Variants in MNAT1 observed in about 807,000 individuals in gnomAD.
MNAT1 encodes MNAT1 component of CDK activating kinase.
In MNAT1, 43 loss-of-function variants were observed where a neutral mutation model predicts 42.0. The observed-to-expected ratio is 1.02, with a 90% confidence interval of 0.80 to 1.32. The LOEUF is 1.32. MNAT1 is among the 40% of genes most tolerant of loss of function. The probability of loss-of-function intolerance (pLI) is 0.00; values close to 1 mark genes in which losing one functional copy is unlikely to be tolerated. For missense variants in MNAT1, 306 were observed against 350.4 expected (o/e 0.87, Z 1.01); for synonymous variants, 118 against 120.0 (o/e 0.98, Z 0.11).
intron 6 of MNAT1, among the ~76,000 whole-genome samples, chr14:60,824,117 A>G (rs1218157083): frequency 2.0e-5 from 3 of 152,206 alleles, no homozygotes; most frequent in African/African-American, 7.2e-5. Flanking sequence ...AGCTCAAGCC[A>G]CAGCACTCCA....
chr14:60,942,817 A>C (rs1163021987), intron 7 of MNAT1, among the ~76,000 whole-genome samples: 1 of 152,096 alleles, frequency 6.6e-6, no homozygotes, highest in Non-Finnish European at 1.5e-5. Flanking sequence ...AAGCTACTGA[A>C]ATTTTGGGAT....
chr14:60,881,815 G>A (rs8019589), intron 7 of MNAT1, among the ~76,000 whole-genome samples: 143,263 of 152,114 alleles, frequency 0.94, 67,781 homozygotes, highest in Non-Finnish European at 0.99. Flanking sequence ...AGTTATTTTC[G>A]AATGTACAAT....
intron 6 of MNAT1, among the ~76,000 whole-genome samples, chr14:60,826,774 T>G (rs545953654): frequency 6.6e-6 from 1 of 152,348 alleles, no homozygotes; most frequent in East Asian, 1.9e-4. Context: ...CTTCTATTTC[T>G]TTATCATTTT....
intron 7 of MNAT1, among the ~76,000 whole-genome samples, chr14:60,964,937 TAAA>T (rs1223337579): frequency 1.3e-5 from 2 of 152,208 alleles, no homozygotes; most frequent in Non-Finnish European, 2.9e-5. Flanking sequence ...TTAAGATACT[TAAA>T]AAATAAAAGC....
At chr14:60,821,790 C>A (rs2032896892) in intron 6 of MNAT1, among the ~76,000 whole-genome samples, 1 of 152,096 alleles carries the variant, frequency 6.6e-6, no homozygotes, top group South Asian at 2.1e-4. Context: ...TGTTCTGTGG[C>A]ATAACTTTAT....
At chr14:60,784,621 C>T (rs890244339) in intron 1 of MNAT1, among the ~76,000 whole-genome samples, 5 of 151,364 alleles carry the variant, frequency 3.3e-5, no homozygotes, top group Middle Eastern at 3.5e-3. Context: ...TACAGTTGCC[C>T]GCCACTGTGC....
At chr14:60,927,668 G>A (rs113052321) in intron 7 of MNAT1, among the ~76,000 whole-genome samples, 3 of 152,238 alleles carry the variant, frequency 2.0e-5, no homozygotes, top group South Asian at 2.1e-4. Flanking sequence ...TTTGAACCAC[G>A]TATTCTTCCC....
intron 6 of MNAT1, among the ~76,000 whole-genome samples, chr14:60,849,014 A>G (rs986436662): frequency 6.6e-6 from 1 of 152,192 alleles, no homozygotes; most frequent in Non-Finnish European, 1.5e-5. Flanking sequence ...TAGAAGTGTT[A>G]CTGTGAGCAA....
chr14:60,840,401 C>A (rs913105794), intron 6 of MNAT1, among the ~76,000 whole-genome samples: 2 of 152,170 alleles, frequency 1.3e-5, no homozygotes, highest in Non-Finnish European at 2.9e-5. Flanking sequence ...GGTAAGTTGA[C>A]TGGGGAGTTC....
At position 60,968,784 on chromosome 14, in the gene MNAT1, C is replaced by T. The variant is rs2036729820; in HGVS notation, c.*435C>T. The T allele has an allele frequency of 3.7e-6, 1 of 273,000 alleles. No individual in the cohort carries two copies. The highest frequency in any genetic ancestry group is 7.0e-6 in the Non-Finnish European group (1 of 142,142). 16.9% of individuals were successfully genotyped at this position (273,000 alleles called of 1,614,324 possible). A position where few individuals can be genotyped will look rare whatever the true frequency, so the allele number is the denominator to read the frequency against. ...AATATCCAAGTCTATTATTTCTTCT[C>T]ATAAAATGTTCCCCTTTTTCCTAAT... On this transcript the variant is annotated 3_prime_UTR_variant, in exon 8 of 8. Coordinates refer to ENST00000261245, the MANE Select transcript of MNAT1 (RefSeq NM_002431.4).
Position 60,826,993 on chromosome 14 carries a change from T to C in MNAT1, c.687+8146T>C, listed in dbSNP as rs543390325. Among the ~76,000 whole-genome samples, 6 of 152,256 alleles carry C rather than the reference T, an allele frequency of 3.9e-5. No individual in the cohort carries two copies. In the South Asian group the frequency reaches 1.2e-3, roughly 32 times the overall value. On this transcript the variant is annotated intron_variant, in intron 6 of 7. Transcript: ENST00000261245. ...ACATTGGTCATCTCATAAATTAGGA[T>C]TGAGATTCTACGGCTGAGGATCTGG...
At chr14:60,765,008 TGGGAGGCTGA>T (rs2030756521) in intron 1 of MNAT1, among the ~76,000 whole-genome samples, 1 of 152,158 alleles carries the variant, frequency 6.6e-6, no homozygotes, top group Non-Finnish European at 1.5e-5. Flanking sequence ...CCCAGCACTT[TGGGAGGCTGA>T]GGCGGGTGGA....
At chr14:60,901,891 A>G (rs369536088) in intron 7 of MNAT1, among the ~76,000 whole-genome samples, 1 of 152,206 alleles carries the variant, frequency 6.6e-6, no homozygotes, top group Non-Finnish European at 1.5e-5. Context: ...TGAAATGACA[A>G]CAAAAGATTT....
At chr14:60,796,534 G>C (rs2032024750) in intron 2 of MNAT1, among the ~76,000 whole-genome samples, 165 bp downstream of exon 2, 2 of 152,132 alleles carry the variant, frequency 1.3e-5, no homozygotes, top group Non-Finnish European at 2.9e-5. Context: ...CTTTGTTAAA[G>C]AAGAGCCTCT....
chr14:60,838,759 G>A (rs1252630433), intron 6 of MNAT1, among the ~76,000 whole-genome samples: 1 of 152,102 alleles, frequency 6.6e-6, no homozygotes, highest in Non-Finnish European at 1.5e-5. Flanking sequence ...CACTCTCGGG[G>A]GTCTGGGAAG....
chr14:60,836,924 A>G (rs1413851371), intron 6 of MNAT1, among the ~76,000 whole-genome samples: 1 of 152,158 alleles, frequency 6.6e-6, no homozygotes, highest in East Asian at 1.9e-4. Flanking sequence ...CCTTTCTTTC[A>G]GAGATACCCT....
chr14:60,932,217 G>A (rs552644767), intron 7 of MNAT1, among the ~76,000 whole-genome samples: 15 of 151,612 alleles, frequency 9.9e-5, no homozygotes, highest in African/African-American at 3.1e-4. Flanking sequence ...TTTTTAATTC[G>A]CTCATATTTC....
rs924715008 is a variant in MNAT1, at chr14:60,934,545, T to G, written c.810-33684T>G. On this transcript the variant is annotated intron_variant, in intron 7 of 7. Transcript: ENST00000261245. ...GAATAAGTCTCACGAGATCTGATGG[T>G]TTTAAAAAAGGGAGTTTTCCTGCAC... Among the ~76,000 whole-genome samples the G allele has an allele frequency of 2.6e-4, 40 of 152,288 alleles. 2 individuals carry two copies. The East Asian group carries it at 7.7e-3, about 29-fold the overall frequency.
At chr14:60,782,559 C>G (rs1042514387) in intron 1 of MNAT1, among the ~76,000 whole-genome samples, 4 of 152,118 alleles carry the variant, frequency 2.6e-5, no homozygotes, top group Non-Finnish European at 4.4e-5. Flanking sequence ...AAATCTGGTC[C>G]TTACTGGGTA....
Sources: allele counts gnomAD v4.1 joint callset (sites outside exome capture counted in the v4.1 genomes callset), GRCh38; gene constraint gnomAD v4.1.1; transcripts MANE v1.5; gene names NCBI Gene and HGNC (gene_info 2026-07-23, HGNC 2026-07-21).